RANGAP1: variants seen among roughly 807,000 people sequenced by gnomAD.
RANGAP1 encodes Ran GTPase activating protein 1.
A neutral mutation model predicts 63.5 loss-of-function variants in RANGAP1; 38 were observed. The ratio of observed to expected loss-of-function variants is 0.60; its 90% CI spans 0.46 to 0.78. The LOEUF (loss-of-function observed/expected upper bound fraction) is 0.78. RANGAP1 is among the 30% of genes least tolerant of loss of function. RANGAP1 has a pLI of 0.00. For synonymous variants in RANGAP1, 329 were observed against 310.5 expected, an observed-to-expected ratio of 1.06 and a Z score of -0.63; for missense variants, 630 against 740.3, an observed-to-expected ratio of 0.85 and a Z score of 1.73.
chr22:41,252,825 C>CA (rs759695322), intron 12 of RANGAP1, 47 bp downstream of exon 12: 7 of 1,486,348 alleles, frequency 4.7e-6, no homozygotes, highest in Non-Finnish European at 5.4e-6. Flanking sequence ...CTAACAGCTC[C>CA]AGAAGCCACA....
upstream of RANGAP1, among the ~76,000 whole-genome samples, chr22:41,288,007 T>A (rs552793512): frequency 7.9e-5 from 12 of 152,066 alleles, no homozygotes; most frequent in African/African-American, 2.2e-4. Context: ...ATAAATTAAT[T>A]AATTAATTAA....
At chr22:41,255,432 C>T (rs1308869879) in intron 10 of RANGAP1, among the ~76,000 whole-genome samples, 2 of 152,152 alleles carry the variant, frequency 1.3e-5, no homozygotes, top group African/African-American at 4.8e-5. Context: ...GGCCACCCAC[C>T]TTCACCTCCA....
At chr22:41,278,038 G>GTTTTT (rs376152766) in intron 2 of RANGAP1, among the ~76,000 whole-genome samples, 5 of 132,198 alleles carry the variant, frequency 3.8e-5, no homozygotes, top group Non-Finnish European at 6.4e-5. Context: ...CCAAACTTGA[G>GTTTTT]TTTTTTTTTT....
chr22:41,276,677 A>G (rs959161634), intron 2 of RANGAP1, among the ~76,000 whole-genome samples: 1 of 151,200 alleles, frequency 6.6e-6, no homozygotes, highest in African/African-American at 2.4e-5. Context: ...AGCTATGTTC[A>G]GGAAAAAAAA....
chr22:41,285,682 G>A lies in RANGAP1; in HGVS notation c.-39+304C>T, dbSNP rs2035717865. ...CGCAGGAGCCCCATCTGGAATCCCC[G>A]GCGGACTCGCACCGCCTCCGGTTGA... On this transcript the variant is annotated intron_variant, in intron 1 of 15. Coordinates refer to ENST00000356244, the MANE Select transcript of RANGAP1 (RefSeq NM_002883.4). 6.1e-6 allele frequency: 6 copies of A among 985,336 alleles called. 1 individual carries two copies. In the South Asian group the frequency reaches 2.8e-4, roughly 46 times the overall value. 61.0% of individuals were successfully genotyped at this position (985,336 alleles called of 1,614,324 possible).
intron 3 of RANGAP1, among the ~76,000 whole-genome samples, chr22:41,272,574 G>A (rs2034902331): frequency 6.6e-6 from 1 of 151,898 alleles, no homozygotes; most frequent in Non-Finnish European, 1.5e-5. Context: ...AGGCTGGAGG[G>A]CAGTGGCGTG....
chr22:41,279,800 CAAAA>C (rs139530), intron 2 of RANGAP1, among the ~76,000 whole-genome samples: 2 of 122,058 alleles, frequency 1.6e-5, no homozygotes, highest in Non-Finnish European at 1.7e-5. Flanking sequence ...AGACTCATCT[CAAAA>C]AAAAAAAAAA....
At chr22:41,275,860 C>A (rs1601694985) in intron 2 of RANGAP1, among the ~76,000 whole-genome samples, 1 of 151,964 alleles carries the variant, frequency 6.6e-6, no homozygotes, top group South Asian at 2.1e-4. Context: ...CTGGGAGGAT[C>A]AGCTGAGCCT....
At chr22:41,281,185 C>A in intron 1 of RANGAP1, 103 bp from the exon 2 acceptor site, 1 of 1,251,894 alleles carries the variant, frequency 8.0e-7, no homozygotes, top group Non-Finnish European at 1.1e-6. Context: ...CCTACCTCCC[C>A]TGCTATGGAG....
chr22:41,290,417 A>T (rs146017099), upstream of RANGAP1, among the ~76,000 whole-genome samples: 85 of 151,944 alleles, frequency 5.6e-4, 2 homozygotes, highest in East Asian at 0.015. Flanking sequence ...TTTAGTAGAG[A>T]TGGGGTTTCA....
chr22:41,282,797 T>G (rs1394567644), intron 1 of RANGAP1, among the ~76,000 whole-genome samples: 1 of 152,118 alleles, frequency 6.6e-6, no homozygotes, highest in Non-Finnish European at 1.5e-5. Flanking sequence ...CTGAATAGTG[T>G]TTACTTTGTG....
chr22:41,270,456 TTTTTA>T (rs1170855664), intron 3 of RANGAP1, among the ~76,000 whole-genome samples: 1 of 152,114 alleles, frequency 6.6e-6, no homozygotes, highest in East Asian at 1.9e-4. Flanking sequence ...CCTCCCTTAT[TTTTTA>T]TTTTGAGACA....
chr22:41,265,578 G>A (rs2034419768), intron 4 of RANGAP1, among the ~76,000 whole-genome samples: 1 of 152,178 alleles, frequency 6.6e-6, no homozygotes, highest in African/African-American at 2.4e-5. Flanking sequence ...CAGGGTTTCT[G>A]GTGGTGACTG....
the RANGAP1 span, among the ~76,000 whole-genome samples, chr22:41,291,465 G>T: frequency 6.6e-6 from 1 of 151,854 alleles, no homozygotes. Flanking sequence ...AGGCACTGTG[G>T]CACGTGCCTG....
Position 41,286,117 on chromosome 22 carries a change from G to C in RANGAP1, c.-170C>G, listed in dbSNP as rs999727497. ...ATCCAGCGGTCCAGATGTCCAGCCG[G>C]CTAGTCTGTTAGCTCTCTCGAGCTC... is the stretch of plus-strand genomic sequence containing the variant. On this transcript the variant is annotated 5_prime_UTR_variant, in exon 1 of 16. Transcript: ENST00000356244. 3 of 152,358 alleles carry C rather than the reference G, an allele frequency of 2.0e-5. No individual in the cohort carries two copies. The highest frequency in any genetic ancestry group is 2.9e-5 in the Non-Finnish European group (2 of 68,104). The allele number at this position is 152,358 out of a possible 1,614,324, so 9.4% of individuals were successfully genotyped here.
At chr22:41,256,576 G>T in intron 8 of RANGAP1, 135 bp downstream of exon 8, 2 of 747,028 alleles carry the variant, frequency 2.7e-6, no homozygotes, top group Non-Finnish European at 4.4e-6. Context: ...GGCTCACACA[G>T]CATCACAGGG....
intron 15 of RANGAP1, 70 bp downstream of exon 15, chr22:41,249,260 G>T: frequency 1.3e-6 from 2 of 1,506,884 alleles, no homozygotes; most frequent in Non-Finnish European, 1.8e-6. Context: ...TCCCGGAACC[G>T]GGCGCCTTCA....
chr22:41,256,620 C>T, intron 8 of RANGAP1, 91 bp downstream of exon 8: 1 of 1,123,354 alleles, frequency 8.9e-7, no homozygotes, highest in Non-Finnish European at 1.3e-6. Context: ...TGGACACAGG[C>T]CCACCTGCCT....
At chr22:41,272,709 T>C (rs976100443) in intron 3 of RANGAP1, among the ~76,000 whole-genome samples, 2 of 152,094 alleles carry the variant, frequency 1.3e-5, no homozygotes, top group African/African-American at 4.8e-5. Context: ...TGAGATGGGA[T>C]TTCACCATGT....
Sources: allele counts gnomAD v4.1 joint callset (sites outside exome capture counted in the v4.1 genomes callset), GRCh38; gene constraint gnomAD v4.1.1; transcripts MANE v1.5; gene names NCBI Gene and HGNC (gene_info 2026-07-23, HGNC 2026-07-21).